Variants in IFI27L2 observed in about 807,000 individuals in gnomAD.
IFI27L2 encodes interferon alpha inducible protein 27 like 2, also known as interferon alpha-inducible protein 27-like protein 2.
In IFI27L2, 8 loss-of-function variants were observed where a neutral mutation model predicts 7.9. That is an observed-to-expected ratio of 1.02 (90% CI 0.60 to 1.84). The LOEUF (loss-of-function observed/expected upper bound fraction) is 1.84. Among genes scored for constraint, IFI27L2 ranks in the 40% most tolerant of loss-of-function variants. The pLI is 0.00. For missense variants in IFI27L2, 190 were observed against 165.8 expected (o/e 1.15, Z -0.80); for synonymous variants, 56 against 66.5 (o/e 0.84, Z 0.77).
intron 2 of IFI27L2, 59 bp from the exon 3 acceptor site, chr14:94,128,734 C>T (rs1470170914): frequency 7.1e-6 from 10 of 1,417,188 alleles, no homozygotes; most frequent in African/African-American, 5.7e-5. Flanking sequence ...CCCTTCCCCC[C>T]GCCCCCCGCT....
In IFI27L2 at chr14:94,129,565, G is replaced by A; in HGVS notation, c.-1C>T. The A allele has an allele frequency of 6.2e-7, 1 of 1,613,750 alleles. No individual in the cohort carries two copies. ...TGGGGAAGCAAGACTCACTCATCAT[G>A]GTGAGGCCGTCCGGGTCCCAACTTG... On this transcript the variant is annotated 5_prime_UTR_variant, in exon 1 of 4. Transcript: ENST00000238609.
At position 94,129,271 on chromosome 14, in the gene IFI27L2, C is replaced by T. The variant is rs1171472677; in HGVS notation, c.28G>A (p.Val10Met). ...GATCCGGGTAACTTACCTCCTCCCACTGCAGCAGCAGCTGCCCGTTCTAGA... is the reference window on the plus strand; with the variant it reads ...GATCCGGGTAACTTACCTCCTCCCATTGCAGCAGCAGCTGCCCGTTCTAGA... MMKRAAAAA[V>M]GGALAVGAVP... is the part of the protein sequence containing the mutation. The change falls in exon 2 of 4, where the codon GTG becomes ATG. Residue 10 changes from valine (V) to methionine (M), a missense_variant. Physicochemically the swap from Val to Met is conservative, Grantham distance 21. Coordinates refer to ENST00000238609, the MANE Select transcript of IFI27L2 (RefSeq NM_032036.3). 6.2e-7 allele frequency: 1 copy of T among 1,612,850 alleles called. No homozygotes were observed. The highest frequency in any genetic ancestry group is 2.2e-5 in the East Asian group (1 of 44,790).
chr14:94,128,431 T>G (rs958187), intron 3 of IFI27L2, 83 bp downstream of exon 3: 1,056,875 of 1,288,392 alleles, frequency 0.82, 436,263 homozygotes, highest in African/African-American at 0.95. Flanking sequence ...TCACGGAACT[T>G]CAGGGTGAGA....
rs749952950 is a variant in IFI27L2 at position 94,128,513 on chromosome 14, C to A, written c.199+1G>T. ...CTGGTGGTCCTGTCTAGGACACTTACCCACGGACTGCAGAGTAGCCACCAG... is the reference window on the plus strand; with the variant it reads ...CTGGTGGTCCTGTCTAGGACACTTAACCACGGACTGCAGAGTAGCCACCAG... On this transcript the variant is annotated splice_donor_variant, in intron 3 of 3. Coordinates refer to ENST00000238609, the MANE Select transcript of IFI27L2 (RefSeq NM_032036.3). LOFTEE classifies it high-confidence loss of function. 2.1e-5 allele frequency: 34 copies of A among 1,613,904 alleles called. No homozygotes were observed. Among genetic ancestry groups the A allele is most frequent in the Non-Finnish European group, 2.8e-5 (33 of 1,179,892 alleles).
chr14:94,128,454 G>C (rs534911874), intron 3 of IFI27L2, 60 bp downstream of exon 3: 3 of 1,519,582 alleles, frequency 2.0e-6, no homozygotes, highest in Non-Finnish European at 2.7e-6. Flanking sequence ...AGCTTCCCTC[G>C]GGCTCAGCCT....
At position 94,128,682 on chromosome 14, in the gene IFI27L2, G is replaced by A; in HGVS notation, c.38-7C>T. 1.2e-6 allele frequency: 2 copies of A among 1,607,360 alleles called. No homozygotes were observed. The highest frequency in any genetic ancestry group is 1.3e-5 in the African/African-American group (1 of 74,894). On this transcript the variant is annotated splice_region_variant and splice_polypyrimidine_tract_variant and intron_variant, in intron 2 of 3. Coordinates refer to ENST00000238609, the MANE Select transcript of IFI27L2 (RefSeq NM_032036.3). ...ACAGCCCCCACTGCCAGGGCTGTGG[G>A]GAGAGAGAAGCTGAGTGCAGAGGTG...
chr14:94,128,264 AG>A, intron 3 of IFI27L2: 1 of 594,882 alleles, frequency 1.7e-6, no homozygotes, highest in South Asian at 2.1e-5. Context: ...CAGGTCACCC[AG>A]GTGTCAGAAC....
rs770096101 is a variant in IFI27L2, at chr14:94,127,952, G to A, written c.240C>T (p.Ala80=). Residue 80 remains alanine, a synonymous_variant, in exon 4 of 4, where the codon GCC becomes GCT. Transcript: ENST00000238609. ...GLSTSSNILL[A]SVGSVLGACL... ...AGGCCCCCAACACTGACCCAACAGA[G>A]GCCAGGAGGATGTTGGATGATGTGG... 6.2e-7 allele frequency: 1 copy of A among 1,613,828 alleles called. No homozygotes were observed. Among genetic ancestry groups the A allele is most frequent in the African/African-American group, 1.3e-5 (1 of 75,028 alleles).
intron 2 of IFI27L2, 167 bp from the exon 3 acceptor site, chr14:94,128,842 C>A (rs1887632940): frequency 1.6e-6 from 1 of 619,722 alleles, no homozygotes; most frequent in East Asian, 2.7e-5. Context: ...AGTGTGGAGC[C>A]AGGTGAAGCA....
chr14:94,128,652 C>A lies in IFI27L2; in HGVS notation c.61G>T (p.Val21Leu), dbSNP rs554948051. Residue 21 changes from valine (V) to leucine (L), a missense_variant, in exon 3 of 4, where the codon GTG becomes TTG. Physicochemically the swap from Val to Leu is conservative, Grantham distance 32 (BLOSUM62 1). Coordinates refer to ENST00000238609, the MANE Select transcript of IFI27L2 (RefSeq NM_032036.3). Reference protein sequence around the residue: ...GGALAVGAVPVVLSAMGFTGA... With the variant: ...GGALAVGAVPLVLSAMGFTGA... ...GTGAAGCCCATGGCACTGAGCACCA[C>A]GGGCACAGCCCCCACTGCCAGGGCT... 1.2e-6 allele frequency: 2 copies of A among 1,613,124 alleles called. No individual in the cohort carries two copies. The highest frequency in any genetic ancestry group is 1.7e-6 in the Non-Finnish European group (2 of 1,179,606).
At chr14:94,128,980 C>T (rs1887636415) in intron 2 of IFI27L2, 2 of 567,142 alleles carry the variant, frequency 3.5e-6, no homozygotes, top group Non-Finnish European at 6.2e-6. Flanking sequence ...TGTGTGTCCA[C>T]GCATAAATGT....
chr14:94,128,715 G>A lies in IFI27L2; in HGVS notation c.38-40C>T, dbSNP rs189195177. The A allele has an allele frequency of 3.2e-6, 5 of 1,552,752 alleles. No individual in the cohort carries two copies. The East Asian group carries it at 7.0e-5, about 22-fold the overall frequency. On this transcript the variant is annotated intron_variant, in intron 2 of 3. Coordinates refer to ENST00000238609, the MANE Select transcript of IFI27L2 (RefSeq NM_032036.3). The stretch of plus-strand genomic sequence containing the variant: ...AAGCTGAGTGCAGAGGTGGGCTCAG[G>A]AGAAGGGACCCTTCCCCCCGCCCCC...
In IFI27L2 at chr14:94,128,945, T is replaced by TTGTGTGTGTGTGTG. The variant is rs60745025; in HGVS notation, c.38-284_38-271dup. On this transcript the variant is annotated intron_variant, in intron 2 of 3. Transcript: ENST00000238609. ...TCAATACCCTTCATTGGTCTCAAATTTGTGTGTGTGTGTGTGTGTGTGTGT... is the reference window on the plus strand; with the variant it reads ...TCAATACCCTTCATTGGTCTCAAATTTGTGTGTGTGTGTGTGTGTGTGTGTGTGTGTGTGTGTGT... 474 of 532,820 alleles carry TTGTGTGTGTGTGTG rather than the reference T, an allele frequency of 8.9e-4. 1 individual carries two copies. Among genetic ancestry groups the TTGTGTGTGTGTGTG allele is most frequent in the African/African-American group, 8.9e-3 (451 of 50,894 alleles). The allele number at this position is 532,820 out of a possible 1,614,324, so 33.0% of individuals were successfully genotyped here.
At chr14:94,129,178 C>A in intron 2 of IFI27L2, 84 bp downstream of exon 2, 1 of 1,118,004 alleles carries the variant, frequency 8.9e-7, no homozygotes. Flanking sequence ...GAGAGCCAGC[C>A]CAGCGCCTCA....
Position 94,128,542 on chromosome 14 carries a change from C to A in IFI27L2, c.171G>T (p.Gly57=). Residue 57 remains glycine, a synonymous_variant, in exon 3 of 4, where the codon GGG becomes GGT. Coordinates refer to ENST00000238609, the MANE Select transcript of IFI27L2 (RefSeq NM_032036.3). Reference sequence around the variant, plus strand: ...CGGACTGCAGAGTAGCCACCAGGCTCCCCGCAGAAACACCACCCCCGTTGG... The same window carrying A: ...CGGACTGCAGAGTAGCCACCAGGCTACCCGCAGAAACACCACCCCCGTTGG... ...AIANGGGVSA[G]SLVATLQSVG... The A allele has an allele frequency of 6.2e-7, 1 of 1,614,198 alleles. No individual in the cohort carries two copies. The highest frequency in any genetic ancestry group is 8.5e-7 in the Non-Finnish European group (1 of 1,180,016).
rs746286381 is a variant in IFI27L2, at chr14:94,127,827, G to A, written c.365C>T (p.Pro122Leu). 1 of 1,613,936 alleles carries A rather than the reference G, an allele frequency of 6.2e-7. No homozygotes were observed. Among genetic ancestry groups the A allele is most frequent in the Non-Finnish European group, 8.5e-7 (1 of 1,179,812 alleles). Residue 122 changes from proline to leucine, a missense_variant, in exon 4 of 4, where the codon CCA becomes CTA. Physicochemically the swap from Pro to Leu is moderately conservative, Grantham distance 98. Coordinates refer to ENST00000238609, the MANE Select transcript of IFI27L2 (RefSeq NM_032036.3). ...TTCCTCATGTTTCTCTGACTTGAGT[G>A]GGGGTTTTGGAGGTTCACCTTGGGG... ...NVPQGEPPKP[P>L]LKSEKHEE
intron 2 of IFI27L2, 46 bp from the exon 3 acceptor site, chr14:94,128,721 G>A: frequency 1.3e-6 from 2 of 1,528,936 alleles, no homozygotes; most frequent in Non-Finnish European, 1.8e-6. Context: ...TCAGGAGAAG[G>A]GACCCTTCCC....
chr14:94,128,831 G>C (rs1887632779), intron 2 of IFI27L2, 156 bp from the exon 3 acceptor site: 1 of 638,286 alleles, frequency 1.6e-6, no homozygotes, highest in Non-Finnish European at 2.7e-6. Context: ...AGAAAAGGTG[G>C]AGTGTGGAGC....
intron 1 of IFI27L2, 75 bp from the exon 2 acceptor site, chr14:94,129,366 G>C: frequency 9.4e-7 from 1 of 1,059,756 alleles, no homozygotes; most frequent in Non-Finnish European, 1.4e-6. Context: ...GGCAGAAAGG[G>C]AGGGAGGGGG....
Sources: allele counts gnomAD v4.1 joint callset, GRCh38; gene constraint gnomAD v4.1.1; transcripts MANE v1.5; gene names NCBI Gene and HGNC (gene_info 2026-07-23, HGNC 2026-07-21).